Variants in UNC13C observed in about 807,000 individuals in gnomAD.
UNC13C encodes protein unc-13 homolog C.
In UNC13C, 174 loss-of-function variants were observed where a neutral mutation model predicts 245.4. That is an observed-to-expected ratio of 0.71 (90% CI 0.63 to 0.80). UNC13C has a LOEUF of 0.80. UNC13C is among the 30% of genes least tolerant of loss of function. UNC13C has a pLI of 0.00. For missense variants in UNC13C, 2,829 were observed against 2,602.9 expected (o/e 1.09, Z -1.89); for synonymous variants, 992 against 895.1 (o/e 1.11, Z -1.93).
the UNC13C span, among the ~76,000 whole-genome samples, chr15:53,927,078 A>C: frequency 1.3e-3 from 202 of 152,370 alleles, 6 homozygotes; most frequent in Admixed American, 0.011. Context: ...TAAGAGCTTT[A>C]TAAATGTTAA....
At chr15:54,100,853 C>G (rs1595855573) in intron 2 of UNC13C, among the ~76,000 whole-genome samples, 1 of 152,094 alleles carries the variant, frequency 6.6e-6, no homozygotes, top group Non-Finnish European at 1.5e-5. Context: ...CTGCTTCATT[C>G]TTGCTCACTC....
intron 30 of UNC13C, among the ~76,000 whole-genome samples, chr15:54,570,954 C>T (rs149093602): frequency 1.3e-5 from 2 of 152,122 alleles, no homozygotes; most frequent in Non-Finnish European, 2.9e-5. Context: ...AAGTGCTATA[C>T]AATTCTTTGA....
At chr15:54,314,905 C>T (rs2037970901) in intron 13 of UNC13C, among the ~76,000 whole-genome samples, 1 of 151,638 alleles carries the variant, frequency 6.6e-6, no homozygotes, top group Non-Finnish European at 1.5e-5. Context: ...CAGAAGCAGA[C>T]AGTAATTCTG....
At chr15:54,289,492 C>A (rs1210831068) in intron 10 of UNC13C, among the ~76,000 whole-genome samples, 1 of 152,028 alleles carries the variant, frequency 6.6e-6, no homozygotes, top group Non-Finnish European at 1.5e-5. Flanking sequence ...AGAGTCAGTT[C>A]TATGTTTTTA....
At chr15:54,329,296 C>T (rs868638816) in intron 14 of UNC13C, among the ~76,000 whole-genome samples, 11 of 151,828 alleles carry the variant, frequency 7.2e-5, no homozygotes, top group African/African-American at 2.7e-4. Context: ...ATTCCAATTC[C>T]ACTCTTTTAG....
At chr15:54,319,713 A>C (rs984276506) in intron 13 of UNC13C, among the ~76,000 whole-genome samples, 2 of 144,560 alleles carry the variant, frequency 1.4e-5, no homozygotes, top group African/African-American at 2.7e-5. Flanking sequence ...TCAATAATAC[A>C]AAATTCAGAA....
chr15:53,894,866 C>T, the UNC13C span, among the ~76,000 whole-genome samples: 1 of 151,950 alleles, frequency 6.6e-6, no homozygotes, highest in Non-Finnish European at 1.5e-5. Context: ...CCCCATTAAC[C>T]CTTCACCATG....
chr15:54,028,062 A>C (rs1896191589), intron 2 of UNC13C, among the ~76,000 whole-genome samples: 1 of 152,108 alleles, frequency 6.6e-6, no homozygotes, highest in Admixed American at 6.5e-5. Context: ...TAAACTAATA[A>C]ATCCAGGTTA....
At chr15:54,630,557 A>T (rs1901437954), downstream of UNC13C, 1 of 152,196 alleles carries the variant, frequency 6.6e-6, no homozygotes, top group Non-Finnish European at 1.5e-5. Flanking sequence ...ATCCTTGAAT[A>T]AATGTCTAAT....
chr15:54,480,740 A>T (rs973001523), intron 19 of UNC13C, among the ~76,000 whole-genome samples: 1 of 152,066 alleles, frequency 6.6e-6, no homozygotes, highest in African/African-American at 2.4e-5. Context: ...TTACTAGAGA[A>T]TTATCGTGTT....
the UNC13C span, among the ~76,000 whole-genome samples, chr15:53,970,954 C>T: frequency 6.6e-6 from 1 of 152,112 alleles, no homozygotes. Flanking sequence ...ATAGTAGCTA[C>T]ACCATTTTTC....
chr15:54,366,849 A>G (rs1004655999), intron 17 of UNC13C, among the ~76,000 whole-genome samples: 1 of 152,252 alleles, frequency 6.6e-6, no homozygotes, highest in East Asian at 1.9e-4. Flanking sequence ...GACTATATGC[A>G]TGGAATACAC....
At chr15:54,491,846 C>G (rs923662129) in intron 19 of UNC13C, among the ~76,000 whole-genome samples, 1 of 151,952 alleles carries the variant, frequency 6.6e-6, no homozygotes, top group African/African-American at 2.4e-5. Flanking sequence ...AAAAATTAGC[C>G]GGGCGTGGTA....
the UNC13C span, among the ~76,000 whole-genome samples, chr15:53,851,745 G>A: frequency 1.3e-5 from 2 of 152,040 alleles, no homozygotes; most frequent in South Asian, 2.1e-4. Flanking sequence ...TTGTGACGTG[G>A]TTGTCCATCG....
chr15:54,592,845 C>CTGTG lies in UNC13C; in HGVS notation c.6106+24900_6106+24903dup, dbSNP rs1275769387. ...TTGCATTCATCATGCTCGTTGTTGC[C>CTGTG]TGTGTACTTTGTTTTTTGTTTTTTT... On this transcript the variant is annotated intron_variant, in intron 30 of 32. Transcript: ENST00000260323. 3.4e-5 allele frequency among the ~76,000 whole-genome samples: 5 copies of CTGTG among 145,634 alleles called. No individual in the cohort carries two copies. In the East Asian group the frequency reaches 1.0e-3, roughly 30 times the overall value.
intron 30 of UNC13C, among the ~76,000 whole-genome samples, chr15:54,581,022 A>C (rs1015343032): frequency 6.6e-6 from 1 of 152,374 alleles, no homozygotes; most frequent in Middle Eastern, 3.4e-3. Flanking sequence ...CTTTGCTCCA[A>C]GAAGCTCATG....
At chr15:54,620,916 G>T (rs146365908) in intron 30 of UNC13C, among the ~76,000 whole-genome samples, 12 of 152,226 alleles carry the variant, frequency 7.9e-5, no homozygotes, top group African/African-American at 2.2e-4. Context: ...CCTGGTGTTG[G>T]GGGGAGGAAG....
the UNC13C span, among the ~76,000 whole-genome samples, chr15:53,851,491 T>C: frequency 6.6e-6 from 1 of 152,194 alleles, no homozygotes; most frequent in Non-Finnish European, 1.5e-5. Flanking sequence ...ATAACTCTCA[T>C]AGCCCCTGTT....
chr15:54,051,878 A>G (rs1897282941), intron 2 of UNC13C, among the ~76,000 whole-genome samples: 1 of 143,972 alleles, frequency 6.9e-6, no homozygotes, highest in Non-Finnish European at 1.5e-5. Flanking sequence ...GTCATCTAGC[A>G]TTAGGTATAT....
Sources: gnomAD v4.1 joint callset for allele counts (sites outside exome capture counted in the v4.1 genomes callset) on GRCh38, gnomAD v4.1.1 for gene constraint, MANE v1.5 for transcripts, NCBI Gene and HGNC (gene_info 2026-07-23, HGNC 2026-07-21) for gene names.